CDYL: variants seen among roughly 807,000 people sequenced by gnomAD.
CDYL encodes the protein chromodomain Y-like protein.
Under a neutral mutation model 47.3 loss-of-function variants are expected in CDYL, and 8 were observed. The ratio of observed to expected loss-of-function variants is 0.17; its 90% CI spans 0.10 to 0.31. The LOEUF (loss-of-function observed/expected upper bound fraction) is 0.31. Among genes scored for constraint, CDYL ranks in the 10% least tolerant of loss-of-function variants. The pLI is 1.00. For missense variants in CDYL, 471 were observed against 701.4 expected (o/e 0.67, Z 3.71); for synonymous variants, 266 against 265.0 (o/e 1.00, Z -0.04).
At chr6:4,897,246 T>C (rs981542352) in intron 2 of CDYL, among the ~76,000 whole-genome samples, 2 of 152,254 alleles carry the variant, frequency 1.3e-5, no homozygotes, top group African/African-American at 4.8e-5. Flanking sequence ...TTAGCAAACT[T>C]AAAACAAATA....
chr6:4,854,899 G>T (rs1184106269), intron 1 of CDYL, among the ~76,000 whole-genome samples: 1 of 152,194 alleles, frequency 6.6e-6, no homozygotes, highest in African/African-American at 2.4e-5. Flanking sequence ...AGTCTACAGA[G>T]GCCCCTGATA....
chr6:4,842,895 A>G (rs192995621), intron 1 of CDYL, among the ~76,000 whole-genome samples: 135 of 152,028 alleles, frequency 8.9e-4, no homozygotes, highest in Non-Finnish European at 1.6e-3. Flanking sequence ...AGGAGGTTCT[A>G]TTTTGGTGTA....
intron 2 of CDYL, among the ~76,000 whole-genome samples, chr6:4,900,283 C>T (rs1415638003): frequency 2.0e-5 from 3 of 152,096 alleles, no homozygotes; most frequent in Admixed American, 1.3e-4. Flanking sequence ...CAAATTATTT[C>T]TTTTTATGTT....
rs114058648 is a variant in CDYL at position 4,830,442 on chromosome 6, T to G, written c.24+53635T>G. On this transcript the variant is annotated intron_variant, in intron 1 of 6. Coordinates refer to ENST00000397588, the MANE Select transcript of CDYL (RefSeq NM_004824.4). Reference sequence around the variant, plus strand: ...TATTCTAGATCAGGCTACCCCATTGTGTCTGTGGTCACAGCCACATTTACT... The same window carrying G: ...TATTCTAGATCAGGCTACCCCATTGGGTCTGTGGTCACAGCCACATTTACT... Among the ~76,000 whole-genome samples the G allele has an allele frequency of 8.5e-3, 1,290 of 152,310 alleles. 22 individuals are homozygous for G. The highest frequency in any genetic ancestry group is 0.03 in the African/African-American group (1,241 of 41,556).
chr6:4,920,259 A>T (rs1364294710), intron 2 of CDYL, among the ~76,000 whole-genome samples: 1 of 152,220 alleles, frequency 6.6e-6, no homozygotes, highest in African/African-American at 2.4e-5. Context: ...TGATGGTTGC[A>T]CAATAGCGTG....
intron 1 of CDYL, among the ~76,000 whole-genome samples, chr6:4,847,004 C>G (rs935601077): frequency 3.3e-5 from 5 of 152,338 alleles, no homozygotes; most frequent in African/African-American, 1.2e-4. Flanking sequence ...GTGATCCCCC[C>G]ATTCTTATTC....
In CDYL at chr6:4,955,273, G is replaced by A. The variant is rs1758834578; in HGVS notation, c.*1217G>A. 2 of 152,570 alleles carry A rather than the reference G, an allele frequency of 1.3e-5. No individual in the cohort carries two copies. The highest frequency in any genetic ancestry group is 4.2e-4 in the South Asian group (2 of 4,814). 9.5% of individuals were successfully genotyped at this position (152,570 alleles called of 1,614,324 possible). On this transcript the variant is annotated 3_prime_UTR_variant, in exon 7 of 7. Transcript: ENST00000397588. ...AGGCTTCTGAGCTTGCAATCATATT[G>A]AATGTATGAAGAGCGAAATCAAATT...
At chr6:4,722,976 A>C (rs1168323321) in intron 2 of CDYL, among the ~76,000 whole-genome samples, 1 of 152,192 alleles carries the variant, frequency 6.6e-6, no homozygotes, top group Admixed American at 6.5e-5. Context: ...GAAAATATCA[A>C]AATCATCAAG....
chr6:4,915,060 G>A (rs752903552), intron 2 of CDYL, among the ~76,000 whole-genome samples: 5 of 152,190 alleles, frequency 3.3e-5, no homozygotes, highest in African/African-American at 7.2e-5. Context: ...GCCCAACCTC[G>A]TAGATCATGT....
At chr6:4,944,961 C>G (rs1363443539) in intron 5 of CDYL, among the ~76,000 whole-genome samples, 1 of 152,158 alleles carries the variant, frequency 6.6e-6, no homozygotes, top group African/African-American at 2.4e-5. Flanking sequence ...TCAGTCTCAT[C>G]ATGAGGAACG....
chr6:4,837,463 G>C (rs1036947625), intron 1 of CDYL, among the ~76,000 whole-genome samples: 2 of 146,662 alleles, frequency 1.4e-5, no homozygotes, highest in Admixed American at 6.8e-5. Flanking sequence ...TTTTGTTGTC[G>C]TTGTTTTTTT....
intron 1 of CDYL, among the ~76,000 whole-genome samples, chr6:4,845,090 A>G (rs1237047854): frequency 6.6e-6 from 1 of 152,206 alleles, no homozygotes; most frequent in African/African-American, 2.4e-5. Context: ...ACATTGCTCT[A>G]TATATTCCAT....
chr6:4,753,010 T>A (rs1260460378), intron 3 of CDYL, among the ~76,000 whole-genome samples: 4 of 152,012 alleles, frequency 2.6e-5, no homozygotes, highest in Non-Finnish European at 4.4e-5. Context: ...CTCAACCTCC[T>A]GGGCTCAAGC....
intron 1 of CDYL, among the ~76,000 whole-genome samples, chr6:4,814,865 G>A (rs187124632): frequency 8.3e-4 from 127 of 152,292 alleles, no homozygotes; most frequent in Non-Finnish European, 1.3e-3. Context: ...GTGCCATGTG[G>A]GATTCATGTC....
chr6:4,899,138 T>C (rs1283812290), intron 2 of CDYL, among the ~76,000 whole-genome samples: 1 of 152,216 alleles, frequency 6.6e-6, no homozygotes, highest in Non-Finnish European at 1.5e-5. Flanking sequence ...GTAGTTTTCT[T>C]TGAAACATCA....
At chr6:4,787,422 A>G (rs1758783991) in intron 1 of CDYL, among the ~76,000 whole-genome samples, 2 of 152,218 alleles carry the variant, frequency 1.3e-5, no homozygotes, top group Admixed American at 1.3e-4. Context: ...TGATAGATAC[A>G]TATCTAAATG....
intron 2 of CDYL, among the ~76,000 whole-genome samples, chr6:4,902,337 C>G (rs1402899281): frequency 1.3e-5 from 2 of 149,082 alleles, no homozygotes; most frequent in Non-Finnish European, 3.0e-5. Flanking sequence ...ACCCGGGAGG[C>G]AGAGGTTGCA....
chr6:4,805,978 A>G (rs1759356503), intron 1 of CDYL, among the ~76,000 whole-genome samples: 1 of 152,236 alleles, frequency 6.6e-6, no homozygotes, highest in Non-Finnish European at 1.5e-5. Flanking sequence ...ATGTGTACAG[A>G]GGGGCAGCTG....
chr6:4,908,651 C>A (rs1388131988), intron 2 of CDYL, among the ~76,000 whole-genome samples: 1 of 152,196 alleles, frequency 6.6e-6, no homozygotes, highest in Non-Finnish European at 1.5e-5. Flanking sequence ...GATCATACGT[C>A]ACCTCTGAGC....
Sources: allele counts gnomAD v4.1 joint callset (sites outside exome capture counted in the v4.1 genomes callset), GRCh38; gene constraint gnomAD v4.1.1; transcripts MANE v1.5; gene names NCBI Gene and HGNC (gene_info 2026-07-23, HGNC 2026-07-21).